Variants in DYNC1H1 observed in about 807,000 individuals in gnomAD.
The protein encoded by DYNC1H1 is dynein cytoplasmic 1 heavy chain 1.
DYNC1H1 carries 51 observed loss-of-function variants against 527.1 expected under a neutral mutation model. The observed-to-expected ratio is 0.10, with a 90% CI of 0.08 to 0.12. DYNC1H1 has a LOEUF of 0.12. Among genes scored for constraint, DYNC1H1 ranks in the 10% least tolerant of loss-of-function variants. DYNC1H1 has a pLI of 1.00. For synonymous variants in DYNC1H1, 2,189 were observed against 2,278.8 expected (o/e 0.96, Z 1.12); for missense variants, 2,771 against 5,971.8 (o/e 0.46, Z 17.66).
In DYNC1H1 at chr14:101,985,636, T is replaced by TA. The variant is rs772754129; in HGVS notation, c.1462-48dup. 1.2e-6 allele frequency: 2 copies of TA among 1,607,748 alleles called. No homozygotes were observed. Among genetic ancestry groups the TA allele is most frequent in the East Asian group, 4.5e-5 (2 of 44,836 alleles). On this transcript the variant is annotated intron_variant, in intron 7 of 77. Transcript: ENST00000360184. This position sits in a 1 kb window ranked among gnomAD's most constrained non-coding sequence, Gnocchi z 5.9. ...ACTGCACCCGGCTTAAAATAAATTT[T>TA]AAAGCCTTCGTTTGGTCAGCATTTC... is the stretch of plus-strand genomic sequence containing the variant.
Position 102,027,048 on chromosome 14 carries a change from C to T in DYNC1H1, c.8772-126C>T. The T allele has an allele frequency of 8.8e-7, 1 of 1,133,030 alleles. No individual in the cohort carries two copies. The allele number at this position is 1,133,030 out of a possible 1,614,324, so 70.2% of individuals were successfully genotyped here. A position where few individuals can be genotyped will look rare whatever the true frequency, so the allele number is the denominator to read the frequency against. On this transcript the variant is annotated intron_variant, in intron 44 of 77. Transcript: ENST00000360184. This position sits in a 1 kb window ranked among gnomAD's most constrained non-coding sequence, Gnocchi z 7.7. Reference sequence around the variant, plus strand: ...CTGGACTTCACAAATAACAGTTGCTCAGCAAATGTTTAATATACAAGTTCA... The same window carrying T: ...CTGGACTTCACAAATAACAGTTGCTTAGCAAATGTTTAATATACAAGTTCA...
chr14:102,022,843 T>A lies in DYNC1H1; in HGVS notation c.8600T>A (p.Met2867Lys). Residue 2867 changes from methionine (M) to lysine (K), a missense_variant, in exon 43 of 78, where the codon ATG (methionine) becomes AAG (lysine). Physicochemically the swap from Met to Lys is moderately conservative, Grantham distance 95. Coordinates refer to ENST00000360184, the MANE Select transcript of DYNC1H1 (RefSeq NM_001376.5). Reference protein sequence around the residue: ...HFPNIDREKAMSRPILYSNWL... With the variant: ...HFPNIDREKAKSRPILYSNWL... ...CCTAACATCGACAGAGAGAAGGCAA[T>A]GAGCCGACCCATCTTGTACAGCAAC... 1 of 1,614,214 alleles carries A rather than the reference T, an allele frequency of 6.2e-7. No homozygotes were observed. Among genetic ancestry groups the A allele is most frequent in the South Asian group, 1.1e-5 (1 of 91,086 alleles).
chr14:102,026,947 C>A, intron 44 of DYNC1H1: 1 of 774,040 alleles, frequency 1.3e-6, no homozygotes, highest in Non-Finnish European at 2.1e-6. Flanking sequence ...GCCCTTTGAC[C>A]TTCTGCTGGA....
chr14:101,979,335 C>T lies in DYNC1H1; in HGVS notation c.361C>T (p.Arg121Cys). 2 of 1,614,116 alleles carry T rather than the reference C, an allele frequency of 1.2e-6. No homozygotes were observed. The highest frequency in any genetic ancestry group is 1.7e-6 in the Non-Finnish European group (2 of 1,180,014). Residue 121 changes from arginine to cysteine, a missense_variant, in exon 3 of 78, where the codon CGT becomes TGT. Around this residue, in one of 32 missense-constraint regions of DYNC1H1, gnomAD observed 146 missense variants for 288.1 expected, o/e 0.51. Transcript: ENST00000360184. The surrounding 1 kb of genome is among the most constrained non-coding windows in gnomAD (Gnocchi z 4.6). ...VKSNSLAFIK[R>C]TPVIDADKPV... ...TCTTTTTAGCTTGGCATTCATTAAA[C>T]GTACTCCCGTGATTGATGCAGATAA...
At position 101,965,027 on chromosome 14, in the gene DYNC1H1, A is replaced by T. The variant is rs2047649110; in HGVS notation, c.256+80A>T. ...CCTGCCAGGTCCTCCGGGGTCGCAG[A>T]TGTCCCCGGGATGGGAGGAGCCCGG... On this transcript the variant is annotated intron_variant, in intron 1 of 77. Transcript: ENST00000360184. The surrounding 1 kb of genome is among the most constrained non-coding windows in gnomAD (Gnocchi z 4.1). 6.9e-7 allele frequency: 1 copy of T among 1,453,826 alleles called. No individual in the cohort carries two copies. The highest frequency in any genetic ancestry group is 1.3e-5 in the South Asian group (1 of 79,872). The allele number at this position is 1,453,826 out of a possible 1,614,324, so 90.1% of individuals were successfully genotyped here.
At chr14:101,973,632 A>T (rs2047765424) in intron 1 of DYNC1H1, among the ~76,000 whole-genome samples, 1 of 152,032 alleles carries the variant, frequency 6.6e-6, no homozygotes, top group African/African-American at 2.4e-5. Context: ...GAGAGACCCC[A>T]TCTCTAAAAA....
chr14:101,964,951 C>A lies in DYNC1H1; in HGVS notation c.256+4C>A. 2 of 1,590,604 alleles carry A rather than the reference C, an allele frequency of 1.3e-6. No homozygotes were observed. The highest frequency in any genetic ancestry group is 2.3e-5 in the South Asian group (2 of 88,318). ...GTGGAGCGCTCCACGCTCAAAGGTG[C>A]GGGGCCGCGGAGGGCAGGGTCGCCA... On this transcript the variant is annotated splice_donor_region_variant and intron_variant, in intron 1 of 77. Coordinates refer to ENST00000360184, the MANE Select transcript of DYNC1H1 (RefSeq NM_001376.5). This position sits in a 1 kb window ranked among gnomAD's most constrained non-coding sequence, Gnocchi z 5.5.
intron 28 of DYNC1H1, 50 bp downstream of exon 28, chr14:102,007,158 A>G (rs1251802055): frequency 1.9e-6 from 3 of 1,589,124 alleles, no homozygotes; most frequent in African/African-American, 1.3e-5. Flanking sequence ...TGCAGGGATC[A>G]TTTGGGGAAT....
rs2047889761 is a variant in DYNC1H1, at chr14:101,983,307, A to G, written c.1233+17A>G. The stretch of plus-strand genomic sequence containing the variant: ...TTTGAAAAAGTAAGTTTGAATATAT[A>G]AGACAACCAACCTCAAGACATTGAG... On this transcript the variant is annotated intron_variant, in intron 6 of 77. Transcript: ENST00000360184. The surrounding 1 kb of genome is among the most constrained non-coding windows in gnomAD (Gnocchi z 5.3). 3.7e-6 allele frequency: 6 copies of G among 1,614,124 alleles called. No individual in the cohort carries two copies. The highest frequency in any genetic ancestry group is 5.1e-6 in the Non-Finnish European group (6 of 1,180,052).
chr14:101,987,660 C>T (rs1366962445), intron 9 of DYNC1H1, 28 bp downstream of exon 9: 1 of 1,613,508 alleles, frequency 6.2e-7, no homozygotes, highest in South Asian at 1.1e-5. Context: ...CTAGCATTTT[C>T]CTCCTTTTTC....
At chr14:101,993,064 C>T (rs1314612205) in intron 11 of DYNC1H1, among the ~76,000 whole-genome samples, 1 of 151,936 alleles carries the variant, frequency 6.6e-6, no homozygotes, top group Admixed American at 6.6e-5. Flanking sequence ...ATGGCATCTC[C>T]ACTTGGCTAT....
chr14:102,028,523 A>G (rs562166316), intron 48 of DYNC1H1: 1 of 338,264 alleles, frequency 3.0e-6, no homozygotes, highest in South Asian at 2.4e-5. Context: ...TCAAAACAAC[A>G]TAAATAGACC....
chr14:102,022,670 A>G, intron 42 of DYNC1H1, 81 bp from the exon 43 acceptor site: 1 of 1,603,362 alleles, frequency 6.2e-7, no homozygotes, highest in South Asian at 1.1e-5. Flanking sequence ...AAGAGCCCAC[A>G]GCACCCACAA....
At chr14:101,999,423 G>A (rs1007438753) in intron 16 of DYNC1H1, among the ~76,000 whole-genome samples, 2 of 152,182 alleles carry the variant, frequency 1.3e-5, no homozygotes, top group African/African-American at 2.4e-5. Context: ...GATTACAGGC[G>A]TTAGCCACCA....
chr14:102,004,791 T>C lies in DYNC1H1; in HGVS notation c.5079T>C (p.Thr1693=). 2.5e-6 allele frequency: 4 copies of C among 1,614,240 alleles called. No homozygotes were observed. The highest frequency in any genetic ancestry group is 3.4e-6 in the Non-Finnish European group (4 of 1,180,046). The change falls in exon 25 of 78, where the codon ACT becomes ACC. Residue 1693 remains threonine, a synonymous_variant. Transcript: ENST00000360184. ...TGTTTAAAACTCCTGTGTCAATTAC[T>C]GAACATCCCAAAATCAATGAGTGGC... ...EVMFKTPVSI[T]EHPKINEWLT...
In DYNC1H1 at chr14:102,040,322, G is replaced by A; in HGVS notation, c.11777G>A (p.Gly3926Asp). 1 of 1,614,180 alleles carries A rather than the reference G, an allele frequency of 6.2e-7. No individual in the cohort carries two copies. Among genetic ancestry groups the A allele is most frequent in the Non-Finnish European group, 8.5e-7 (1 of 1,180,036 alleles). Residue 3926 changes from glycine to aspartate, a missense_variant, in exon 63 of 78, where the codon GGC becomes GAC. Around this residue, in one of 32 missense-constraint regions of DYNC1H1, gnomAD observed 120 missense variants for 161.9 expected, o/e 0.74. Transcript: ENST00000360184. ...GCTGGCTCCACCCCCAGGATCCAGGGCCTGACTGTGGAGCAGGCGGAGGCG... is the reference window on the plus strand; with the variant it reads ...GCTGGCTCCACCCCCAGGATCCAGGACCTGACTGTGGAGCAGGCGGAGGCG... The part of the protein sequence containing the change: ...LSAGSTPRIQ[G>D]LTVEQAEAVV...
rs2152596258 is a variant in DYNC1H1 at position 102,041,587 on chromosome 14, G to A, written c.11955G>A (p.Gln3985=). 1 of 1,614,152 alleles carries A rather than the reference G, an allele frequency of 6.2e-7. No homozygotes were observed. Among genetic ancestry groups the A allele is most frequent in the South Asian group, 1.1e-5 (1 of 91,080 alleles). The part of the protein sequence containing the change: ...SEETPATPIG[Q]AIHRLLLIQA... ...TACCTGTTTCAGCACCCATTGGCCA[G>A]GCCATCCACCGCCTGCTCCTGATCC... The change falls in exon 65 of 78, where the codon CAG becomes CAA. Residue 3985 remains glutamine, a synonymous_variant. Coordinates refer to ENST00000360184, the MANE Select transcript of DYNC1H1 (RefSeq NM_001376.5). The surrounding 1 kb of genome is among the most constrained non-coding windows in gnomAD (Gnocchi z 4.5).
Position 102,050,570 on chromosome 14 carries a change from C to T in DYNC1H1, c.*7C>T, listed in dbSNP as rs373958856. ...AGTCTTGTGCACAGAGTAAACTTTT[C>T]TAGCTGCCCCTTTCTGTAATAGTGA... On this transcript the variant is annotated 3_prime_UTR_variant, in exon 78 of 78. Coordinates refer to ENST00000360184, the MANE Select transcript of DYNC1H1 (RefSeq NM_001376.5). The T allele has an allele frequency of 6.2e-7, 1 of 1,614,096 alleles. No homozygotes were observed. The highest frequency in any genetic ancestry group is 8.5e-7 in the Non-Finnish European group (1 of 1,180,050).
chr14:101,991,593 A>G lies in DYNC1H1; in HGVS notation c.2935A>G (p.Arg979Gly). The G allele has an allele frequency of 6.2e-7, 1 of 1,614,224 alleles. No homozygotes were observed. The highest frequency in any genetic ancestry group is 8.5e-7 in the Non-Finnish European group (1 of 1,180,018). Residue 979 changes from arginine (R) to glycine (G), a missense_variant, in exon 11 of 78, where the codon AGA becomes GGA. This residue lies in a region of DYNC1H1 where 179 missense variants were observed against 349.4 expected (regional missense o/e 0.51). Coordinates refer to ENST00000360184, the MANE Select transcript of DYNC1H1 (RefSeq NM_001376.5). The part of the protein sequence containing the change: ...IYLNPPIEEC[R>G]YKLYQEMFAW... Reference sequence around the variant, plus strand: ...CTTGAATCCACCAATTGAAGAGTGCAGATACAAGCTGTATCAGGAAATGTT... The same window carrying G: ...CTTGAATCCACCAATTGAAGAGTGCGGATACAAGCTGTATCAGGAAATGTT...
Sources: allele counts gnomAD v4.1 joint callset (sites outside exome capture counted in the v4.1 genomes callset), GRCh38; gene constraint gnomAD v4.1.1; regional missense constraint gnomAD v4.1.1; non-coding constraint Gnocchi (gnomAD v3.1); transcripts MANE v1.5; gene names NCBI Gene and HGNC (gene_info 2026-07-23, HGNC 2026-07-21).